Variants in THBS3 observed in about 807,000 individuals in gnomAD.
THBS3 encodes the protein thrombospondin 3.
In THBS3, 78 loss-of-function variants were observed where a neutral mutation model predicts 118.3. That is an observed-to-expected ratio of 0.66 (90% confidence interval 0.55 to 0.80). The LOEUF (loss-of-function observed/expected upper bound fraction) is 0.80. THBS3 is among the 30% of genes least tolerant of loss of function. The pLI is 0.00. For missense variants in THBS3, 1,057 were observed against 1,247.4 expected (o/e 0.85, Z 2.30); for synonymous variants, 427 against 475.3 (o/e 0.90, Z 1.32).
intron 21 of THBS3, chr1:155,196,810 G>T: frequency 1.8e-6 from 1 of 546,158 alleles, no homozygotes; most frequent in South Asian, 2.4e-5. Flanking sequence ...GGCTTCTGGA[G>T]AACTGTAAAG....
In THBS3 at chr1:155,198,082, C is replaced by G; in HGVS notation, c.2213G>C (p.Gly738Ala). Residue 738 changes from glycine (G) to alanine (A), a missense_variant, in exon 18 of 23, where the codon GGT (glycine) becomes GCT (alanine). By Grantham distance (60) the Gly-to-Ala change is moderately conservative. Around this residue, in one of 3 missense-constraint regions of THBS3, gnomAD observed 307 missense variants for 326.1 expected, o/e 0.94. Coordinates refer to ENST00000368378, the MANE Select transcript of THBS3 (RefSeq NM_007112.5). ...AYQTVVLDPE[G>A]DAQIDPNWVV... ...CCAGTTTGGGTCAATCTGAGCATCACCCTCAGGATCCAGGACGACGGTCTG... is the reference window on the plus strand; with the variant it reads ...CCAGTTTGGGTCAATCTGAGCATCAGCCTCAGGATCCAGGACGACGGTCTG... The G allele has an allele frequency of 6.2e-7, 1 of 1,614,210 alleles. No homozygotes were observed. The highest frequency in any genetic ancestry group is 1.1e-5 in the South Asian group (1 of 91,088).
Position 155,207,897 on chromosome 1 carries a change from C to A in THBS3, c.-21G>T. ...TCCATGCCTCTCAGCCGGCTCACTA[C>A]CCCTGGCAGGCAGGCAGCTGGGAGG... On this transcript the variant is annotated 5_prime_UTR_variant, in exon 1 of 23. Coordinates refer to ENST00000368378, the MANE Select transcript of THBS3 (RefSeq NM_007112.5). The A allele has an allele frequency of 6.2e-7, 1 of 1,613,030 alleles. No individual in the cohort carries two copies. Among genetic ancestry groups the A allele is most frequent in the Non-Finnish European group, 8.5e-7 (1 of 1,179,536 alleles).
At chr1:155,208,957 G>A, upstream of THBS3, 1 of 1,609,060 alleles carries the variant, frequency 6.2e-7, no homozygotes, top group Non-Finnish European at 8.5e-7. Flanking sequence ...CGCCTTCAGG[G>A]GTTCGGGGCT....
At chr1:155,204,700 A>T (rs916040426) in intron 4 of THBS3, 155 bp downstream of exon 4, 7 of 710,182 alleles carry the variant, frequency 9.9e-6, no homozygotes, top group Non-Finnish European at 1.7e-5. Flanking sequence ...GAGATTGTGG[A>T]GTCAGGTGAA....
Position 155,197,027 on chromosome 1 carries a change from G to A in THBS3, c.2672+14C>T, listed in dbSNP as rs777950007. 33 of 1,611,390 alleles carry A rather than the reference G, an allele frequency of 2.0e-5. No homozygotes were observed. The highest frequency in any genetic ancestry group is 2.7e-5 in the Non-Finnish European group (32 of 1,178,160). ...GGCCTGAGTCCCACAGGTGGGCTCA[G>A]CCCCTCTCCTTACCGAATGTAGCCA... On this transcript the variant is annotated intron_variant, in intron 21 of 22. Transcript: ENST00000368378. The surrounding 1 kb of genome is among the most constrained non-coding windows in gnomAD (Gnocchi z 5.0).
rs1407623219 is a variant in THBS3, at chr1:155,206,373, T to G, written c.113A>C (p.Gln38Pro). The G allele has an allele frequency of 1.2e-6, 2 of 1,614,164 alleles. No homozygotes were observed. Among genetic ancestry groups the G allele is most frequent in the Non-Finnish European group, 1.7e-6 (2 of 1,180,034 alleles). ...IDLLTVGESR[Q>P]MVAVAEKIRT... ...GATCTTCTCTGCCACAGCTACCATCTGCCGAGACTCGCCCACAGTCAGCAG... is the reference window on the plus strand; with the variant it reads ...GATCTTCTCTGCCACAGCTACCATCGGCCGAGACTCGCCCACAGTCAGCAG... Residue 38 changes from glutamine (Q) to proline (P), a missense_variant, in exon 2 of 23, where the codon CAG becomes CCG. Physicochemically the swap from Gln to Pro is moderately conservative, Grantham distance 76 (BLOSUM62 -1). Transcript: ENST00000368378. This position sits in a 1 kb window ranked among gnomAD's most constrained non-coding sequence, Gnocchi z 4.2.
At position 155,204,274 on chromosome 1, in the gene THBS3, G is replaced by C. The variant is rs953961120; in HGVS notation, c.646+581C>G. On this transcript the variant is annotated intron_variant, in intron 4 of 22. Transcript: ENST00000368378. Reference sequence around the variant, plus strand: ...ACACTCAGAGAAATTGCTGGTGACAGCTGCCAGTGAGAACTATAAAAGACT... The same window carrying C: ...ACACTCAGAGAAATTGCTGGTGACACCTGCCAGTGAGAACTATAAAAGACT... Among the ~76,000 whole-genome samples the C allele has an allele frequency of 3.9e-5, 6 of 152,158 alleles. No individual in the cohort carries two copies. In the East Asian group the frequency reaches 9.7e-4, roughly 24 times the overall value.
At chr1:155,207,045 T>TC (rs1670656339) in intron 1 of THBS3, among the ~76,000 whole-genome samples, 1 of 152,076 alleles carries the variant, frequency 6.6e-6, no homozygotes, top group Non-Finnish European at 1.5e-5. Context: ...GCTGTGCTGA[T>TC]CCCCCACAGG....
In THBS3 at chr1:155,195,758, T is replaced by G; in HGVS notation, c.*83A>C. The G allele has an allele frequency of 6.8e-7, 1 of 1,470,710 alleles. No homozygotes were observed. The highest frequency in any genetic ancestry group is 9.4e-7 in the Non-Finnish European group (1 of 1,066,776). 91.1% of individuals were successfully genotyped at this position (1,470,710 alleles called of 1,614,324 possible). A position where few individuals can be genotyped will look rare whatever the true frequency, so the allele number is the denominator to read the frequency against. ...GGGTCTGTGGTTGGCTGAGGGGCTG[T>G]AGCTTAGACCTCAGGGTCTCCAGGA... On this transcript the variant is annotated 3_prime_UTR_variant, in exon 23 of 23. Transcript: ENST00000368378.
chr1:155,197,795 TCTCC>T lies in THBS3; in HGVS notation c.2302+81_2302+84del. On this transcript the variant is annotated intron_variant, in intron 19 of 22. Transcript: ENST00000368378. The surrounding 1 kb of genome is among the most constrained non-coding windows in gnomAD (Gnocchi z 5.0). ...CCTTCTCTCTCGCCACTTTGCCCAT[TCTCC>T]CTGTCTGTTTCCTCCCCTACCCTCT... 6.2e-7 allele frequency: 1 copy of T among 1,602,732 alleles called. No homozygotes were observed. Among genetic ancestry groups the T allele is most frequent in the Non-Finnish European group, 8.5e-7 (1 of 1,170,502 alleles).
At chr1:155,201,375 C>G (rs541813116) in intron 11 of THBS3, 42 bp downstream of exon 11, 11 of 1,572,830 alleles carry the variant, frequency 7.0e-6, no homozygotes, top group Non-Finnish European at 2.6e-6. Context: ...ACTCCTTTCC[C>G]CAGACCCTCC....
Position 155,195,969 on chromosome 1 carries a change from C to G in THBS3, c.2812+18G>C, listed in dbSNP as rs1347830308. On this transcript the variant is annotated intron_variant, in intron 22 of 22. Transcript: ENST00000368378. ...ACAAGGCATGAAGGATTAGGTTGAT[C>G]TCAATCAGCCACCTCACCATTGCAT... is the stretch of plus-strand genomic sequence containing the variant. The G allele has an allele frequency of 1.9e-6, 3 of 1,614,072 alleles. No individual in the cohort carries two copies. The highest frequency in any genetic ancestry group is 1.7e-5 in the Admixed American group (1 of 60,012).
chr1:155,202,325 G>A lies in THBS3; in HGVS notation c.1034C>T (p.Pro345Leu). 1 of 1,614,112 alleles carries A rather than the reference G, an allele frequency of 6.2e-7. No individual in the cohort carries two copies. Among genetic ancestry groups the A allele is most frequent in the African/African-American group, 1.3e-5 (1 of 75,050 alleles). Residue 345 changes from proline (P) to leucine (L), a missense_variant, in exon 9 of 23, where the codon CCT becomes CTT. By Grantham distance (98) the Pro-to-Leu change is moderately conservative. Transcript: ENST00000368378. The surrounding 1 kb of genome is among the most constrained non-coding windows in gnomAD (Gnocchi z 5.5). ...TMPGFHCEAC[P>L]RGYKGTQVSG... ...CACCTGTGTGCCCTTGTACCCTCGAGGACAGGCCTCACAGTGGAAGCCGGG... is the reference window on the plus strand; with the variant it reads ...CACCTGTGTGCCCTTGTACCCTCGAAGACAGGCCTCACAGTGGAAGCCGGG...
intron 10 of THBS3, 67 bp from the exon 11 acceptor site, chr1:155,201,636 C>A: frequency 6.5e-7 from 1 of 1,540,182 alleles, no homozygotes. Context: ...ACCAGCACTG[C>A]TCCACCTGCG....
At chr1:155,205,359 C>T (rs1305495643) in intron 2 of THBS3, 43 bp from the exon 3 acceptor site, 23 of 1,593,998 alleles carry the variant, frequency 1.4e-5, no homozygotes, top group Non-Finnish European at 2.0e-5. Flanking sequence ...TCCCCCACCC[C>T]CTGCCTCCCA....
intron 21 of THBS3, chr1:155,196,763 T>TG (rs1557852012): frequency 6.4e-6 from 3 of 465,474 alleles, no homozygotes; most frequent in Non-Finnish European, 3.9e-6. Flanking sequence ...AGGGACCAGA[T>TG]GTGATGTGCC....
chr1:155,208,608 G>A (rs1670875263), upstream of THBS3: 4 of 590,162 alleles, frequency 6.8e-6, no homozygotes, highest in Admixed American at 6.4e-5. Context: ...GGGTACTAGC[G>A]GACGGGCCGT....
In THBS3 at chr1:155,205,297, C is replaced by T; in HGVS notation, c.306G>A (p.Arg102=). ...KINKVLVRYQ[R]EDGKVHAVNL... ...TCACGGCGTGGACTTTGCCATCCTCCCGCTGGTATCGCACCAGTACTGCCC... is the reference window on the plus strand; with the variant it reads ...TCACGGCGTGGACTTTGCCATCCTCTCGCTGGTATCGCACCAGTACTGCCC... The change falls in exon 3 of 23, where the codon CGG becomes CGA. Residue 102 remains arginine (R), a synonymous_variant. Transcript: ENST00000368378. The T allele has an allele frequency of 6.2e-7, 1 of 1,613,952 alleles. No individual in the cohort carries two copies. Among genetic ancestry groups the T allele is most frequent in the Non-Finnish European group, 8.5e-7 (1 of 1,180,008 alleles).
At chr1:155,199,215 C>T (rs1383600199) in intron 16 of THBS3, among the ~76,000 whole-genome samples, 6 of 150,232 alleles carry the variant, frequency 4.0e-5, no homozygotes, top group Non-Finnish European at 7.4e-5. Flanking sequence ...TCGAGACCAT[C>T]CTGGTTAACA....
Sources: allele counts gnomAD v4.1 joint callset (sites outside exome capture counted in the v4.1 genomes callset), GRCh38; gene constraint gnomAD v4.1.1; regional missense constraint gnomAD v4.1.1; non-coding constraint Gnocchi (gnomAD v3.1); transcripts MANE v1.5; gene names NCBI Gene and HGNC (gene_info 2026-07-23, HGNC 2026-07-21).